Variants in MUC5B observed in about 807,000 individuals in gnomAD.
MUC5B encodes mucin-5B.
MUC5B carries 116 observed loss-of-function variants against 376.9 expected under a neutral mutation model. That is an observed-to-expected ratio of 0.31 (90% CI 0.26 to 0.36). The LOEUF (loss-of-function observed/expected upper bound fraction) is 0.36. MUC5B is among the 10% of genes least tolerant of loss of function. MUC5B has a pLI of 1.00. For synonymous variants in MUC5B, 3,517 were observed against 3,390.9 expected (o/e 1.04, Z -1.29); for missense variants, 7,165 against 7,769.9 (o/e 0.92, Z 2.93).
In MUC5B at chr11:1,256,756, T is replaced by C; in HGVS notation, c.16222T>C (p.Cys5408Arg). ...CCTCTTCAACGCACACATGGGCATC[T>C]GCGTGCAGGCCTGCCGTAAGCTCCG... ...QILFNAHMGI[C>R]VQACPCVGPD... The change falls in exon 39 of 49, where the codon TGC (cysteine) becomes CGC (arginine). Residue 5408 changes from cysteine to arginine, a missense_variant. Around this residue, in one of 31 missense-constraint regions of MUC5B, gnomAD observed 842 missense variants for 1,016.9 expected, o/e 0.83. Coordinates refer to ENST00000529681, the MANE Select transcript of MUC5B (RefSeq NM_002458.3). 6.5e-7 allele frequency: 1 copy of C among 1,539,838 alleles called. No homozygotes were observed. The highest frequency in any genetic ancestry group is 8.7e-7 in the Non-Finnish European group (1 of 1,144,644).
In MUC5B at chr11:1,241,025, C is replaced by T. The variant is rs1444875193; in HGVS notation, c.4145C>T (p.Ala1382Val). ...GTGCTGGCTGACATCGAGTGCCGGG[C>T]GGCGCAGCTTCCCGACATGCCGCTG... The part of the protein sequence containing the change: ...CPVLADIECR[A>V]AQLPDMPLEE... Residue 1382 changes from alanine to valine, a missense_variant, in exon 31 of 49, where the codon GCG (alanine) becomes GTG (valine). By Grantham distance (64) the Ala-to-Val change is moderately conservative (BLOSUM62 0). Around this residue, in one of 31 missense-constraint regions of MUC5B, gnomAD observed 517 missense variants for 545.3 expected, o/e 0.95. Transcript: ENST00000529681. The T allele has an allele frequency of 9.3e-6, 15 of 1,612,540 alleles. No individual in the cohort carries two copies. Among genetic ancestry groups the T allele is most frequent in the African/African-American group, 2.7e-5 (2 of 74,940 alleles).
At chr11:1,251,878 CG>C in intron 31 of MUC5B, 135 bp downstream of exon 31, 1 of 690,280 alleles carries the variant, frequency 1.4e-6, no homozygotes, top group Non-Finnish European at 2.4e-6. Context: ...TGGCCCCTCC[CG>C]GCCACACTGG....
chr11:1,241,823 C>T lies in MUC5B; in HGVS notation c.4943C>T (p.Thr1648Ile), dbSNP rs748305022. Residue 1648 changes from threonine to isoleucine, a missense_variant, in exon 31 of 49, where the codon ACA (threonine) becomes ATA (isoleucine). Physicochemically the swap from Thr to Ile is moderately conservative, Grantham distance 89 (BLOSUM62 -1). Around this residue, in one of 31 missense-constraint regions of MUC5B, gnomAD observed 897 missense variants for 779.6 expected, o/e 1.15. Coordinates refer to ENST00000529681, the MANE Select transcript of MUC5B (RefSeq NM_002458.3). Reference protein sequence around the residue: ...GLTRAPPASTTAVPTLSEGLT... With the variant: ...GLTRAPPASTIAVPTLSEGLT... ...ACCAGGGCTCCCCCGGCCAGCACCA[C>T]AGCAGTCCCCACCCTCTCAGAAGGA... 6.2e-7 allele frequency: 1 copy of T among 1,613,240 alleles called. No individual in the cohort carries two copies. Among genetic ancestry groups the T allele is most frequent in the Non-Finnish European group, 8.5e-7 (1 of 1,179,628 alleles).
rs748395343 is a variant in MUC5B at position 1,242,458 on chromosome 11, G to C, written c.5578G>C (p.Glu1860Gln). The C allele has an allele frequency of 3.7e-6, 6 of 1,613,680 alleles. No individual in the cohort carries two copies. In the African/African-American group the frequency reaches 5.3e-5, roughly 14 times the overall value. Residue 1860 changes from glutamate to glutamine, a missense_variant, in exon 31 of 49, where the codon GAA becomes CAA. Glu to Gln is a conservative substitution (Grantham distance 29). Transcript: ENST00000529681. ...SLETGLTCKN[E>Q]DQTGRFNMCF... ...GGAGACGGGGCTGACCTGCAAGAAC[G>C]AAGACCAGACAGGCAGGTTCAACAT...
Position 1,246,507 on chromosome 11 carries a change from A to G in MUC5B, c.9627A>G (p.Arg3209=), listed in dbSNP as rs755045374. 1 of 1,612,586 alleles carries G rather than the reference A, an allele frequency of 6.2e-7. No homozygotes were observed. Among genetic ancestry groups the G allele is most frequent in the African/African-American group, 1.3e-5 (1 of 74,520 alleles). Residue 3209 remains arginine, a synonymous_variant, in exon 31 of 49, where the codon AGA becomes AGG. Transcript: ENST00000529681. The part of the protein sequence containing the change: ...TATTPTVISS[R]ATPSSSPGTA... Reference sequence around the variant, plus strand: ...CCACACCCACAGTCATCAGCTCCAGAGCCACTCCCTCCTCCAGTCCAGGGA... The same window carrying G: ...CCACACCCACAGTCATCAGCTCCAGGGCCACTCCCTCCTCCAGTCCAGGGA...
Position 1,239,821 on chromosome 11 carries a change from C to T in MUC5B, c.3606C>T (p.Pro1202=), listed in dbSNP as rs1017974151. The T allele has an allele frequency of 6.2e-7, 1 of 1,611,926 alleles. No homozygotes were observed. Among genetic ancestry groups the T allele is most frequent in the South Asian group, 1.1e-5 (1 of 90,666 alleles). The change falls in exon 28 of 49, where the codon CCC becomes CCT. Residue 1202 remains proline, a synonymous_variant. Coordinates refer to ENST00000529681, the MANE Select transcript of MUC5B (RefSeq NM_002458.3). ...TAGGCTGCTACCCGAAGTGCCCACC[C>T]AGCCAGCCCTTCTTCAATGAGGACC... ...GLEGCYPKCP[P]SQPFFNEDQM...
rs371813527 is a variant in MUC5B at position 1,254,748 on chromosome 11, G to C, written c.15532G>C (p.Val5178Leu). The change falls in exon 35 of 49, where the codon GTG (valine) becomes CTG (leucine). Residue 5178 changes from valine (V) to leucine (L), a missense_variant. By Grantham distance (32) the Val-to-Leu change is conservative. Coordinates refer to ENST00000529681, the MANE Select transcript of MUC5B (RefSeq NM_002458.3). Reference sequence around the variant, plus strand: ...CGGTTTCAGCAAGAACGGCGTGCTTGTGTCTGTGCTGGGGACCACCACCAT... The same window carrying C: ...CGGTTTCAGCAAGAACGGCGTGCTTCTGTCTGTGCTGGGGACCACCACCAT... ...SSGFSKNGVL[V>L]SVLGTTTMRV... The C allele has an allele frequency of 3.5e-5, 56 of 1,612,942 alleles. No homozygotes were observed. The East Asian group carries it at 7.4e-4, about 21-fold the overall frequency.
At chr11:1,239,971 GGGGGAGCAGGGCT>G (rs1862241420) in intron 28 of MUC5B, 28 bp downstream of exon 28, 1 of 1,610,708 alleles carries the variant, frequency 6.2e-7, no homozygotes, top group Non-Finnish European at 8.5e-7. Flanking sequence ...GGGTGGCGCT[GGGGGAGCAGGGCT>G]GGGGAGCAGG....
In MUC5B at chr11:1,226,695, C is replaced by A. The variant is rs559689592; in HGVS notation, c.280C>A (p.Arg94Ser). Residue 94 changes from arginine (R) to serine (S), a missense_variant, in exon 4 of 49, where the codon CGC becomes AGC. Around this residue, in one of 31 missense-constraint regions of MUC5B, gnomAD observed 640 missense variants for 733.0 expected, o/e 0.87. Transcript: ENST00000529681. ...HYKTFDGDVF[R>S]FPGLCNYVFS... ...CAAGACCTTCGACGGCGACGTCTTC[C>A]GCTTCCCTGGCCTTTGCAACTACGT... 6.2e-7 allele frequency: 1 copy of A among 1,612,726 alleles called. No individual in the cohort carries two copies. Among genetic ancestry groups the A allele is most frequent in the South Asian group, 1.1e-5 (1 of 91,054 alleles).
chr11:1,260,578 C>CA (rs1243043631), intron 47 of MUC5B, 48 bp from the exon 48 acceptor site: 23 of 1,554,084 alleles, frequency 1.5e-5, no homozygotes. Flanking sequence ...TCCAGGCCCT[C>CA]AGAGTGAGGG....
At chr11:1,237,927 G>C (rs1862192561) in intron 25 of MUC5B, among the ~76,000 whole-genome samples, 1 of 152,232 alleles carries the variant, frequency 6.6e-6, no homozygotes, top group South Asian at 2.1e-4. Flanking sequence ...GAAGACTTGA[G>C]TGCCCACTTA....
rs200317067 is a variant in MUC5B, at chr11:1,249,092, C to G, written c.12212C>G (p.Pro4071Arg). 41,050 of 1,601,260 alleles carry G rather than the reference C, an allele frequency of 0.026. No homozygotes were observed. The highest frequency in any genetic ancestry group is 0.029 in the Non-Finnish European group (33,457 of 1,172,546). ...HSTPALSSPH[P>R]SSRTTESPPS... The stretch of plus-strand genomic sequence containing the variant: ...ACTCCAGCCCTGTCCAGCCCTCACC[C>G]TAGCAGCAGGACCACCGAGTCACCC... The change falls in exon 31 of 49, where the codon CCT (proline) becomes CGT (arginine). Residue 4071 changes from proline (P) to arginine (R), a missense_variant. Coordinates refer to ENST00000529681, the MANE Select transcript of MUC5B (RefSeq NM_002458.3).
intron 23 of MUC5B, among the ~76,000 whole-genome samples, chr11:1,235,802 C>A (rs190160172): frequency 3.3e-5 from 5 of 151,838 alleles, no homozygotes; most frequent in Admixed American, 1.3e-4. Context: ...AGGGCCCCCC[C>A]CCGCCCCCAC....
Position 1,257,594 on chromosome 11 carries a change from A to G in MUC5B, c.16334A>G (p.Gln5445Arg), listed in dbSNP as rs200420690. The change falls in exon 41 of 49, where the codon CAG becomes CGG. Residue 5445 changes from glutamine to arginine, a missense_variant. By Grantham distance (43) the Gln-to-Arg change is conservative. Around this residue, in one of 31 missense-constraint regions of MUC5B, gnomAD observed 842 missense variants for 1,016.9 expected, o/e 0.83. Transcript: ENST00000529681. The surrounding 1 kb of genome is among the most constrained non-coding windows in gnomAD (Gnocchi z 8.9). ...CVCDEGSVSV[Q>R]CKPLPCDAQG... Reference sequence around the variant, plus strand: ...TGTGACGAGGGTTCAGTGTCGGTGCAGTGCAAGCCCCTGCCCTGTGACGCC... The same window carrying G: ...TGTGACGAGGGTTCAGTGTCGGTGCGGTGCAAGCCCCTGCCCTGTGACGCC... 17 of 1,605,986 alleles carry G rather than the reference A, an allele frequency of 1.1e-5. No individual in the cohort carries two copies. The highest frequency in any genetic ancestry group is 1.4e-5 in the Non-Finnish European group (17 of 1,179,644).
In MUC5B at chr11:1,244,789, A is replaced by C. The variant is rs527359221; in HGVS notation, c.7909A>C (p.Thr2637Pro). 3 of 1,612,212 alleles carry C rather than the reference A, an allele frequency of 1.9e-6. No individual in the cohort carries two copies. The East Asian group carries it at 6.7e-5, about 36-fold the overall frequency. Reference sequence around the variant, plus strand: ...CACGCTTCCAGTGTGGATCAGCACAACCACCACACCCACAACCAGAGGTTC... The same window carrying C: ...CACGCTTCCAGTGTGGATCAGCACACCCACCACACCCACAACCAGAGGTTC... Reference protein sequence around the residue: ...ARTLPVWISTTTTPTTRGSTV... With the variant: ...ARTLPVWISTPTTPTTRGSTV... Residue 2637 changes from threonine (T) to proline (P), a missense_variant, in exon 31 of 49, where the codon ACC (threonine) becomes CCC (proline). Thr to Pro is a conservative substitution (Grantham distance 38). Transcript: ENST00000529681.
chr11:1,239,768 G>C (rs533374650), intron 27 of MUC5B, 31 bp from the exon 28 acceptor site: 10 of 1,593,964 alleles, frequency 6.3e-6, no homozygotes, highest in African/African-American at 1.3e-5. Flanking sequence ...AAGGGCCCTG[G>C]TGAGTCTTCT....
At position 1,245,294 on chromosome 11, in the gene MUC5B, C is replaced by T. The variant is rs368717082; in HGVS notation, c.8414C>T (p.Ser2805Leu). 617 of 1,595,370 alleles carry T rather than the reference C, an allele frequency of 3.9e-4. 5 individuals are homozygous for T. The highest frequency in any genetic ancestry group is 1.3e-3 in the Admixed American group (73 of 57,876). ...PAATTGTTQH[S>L]TPALSSPHPS... ...GCAACCACCGGTACCACCCAGCACT[C>T]GACTCCAGCCCTGTCCAGCCCTCAC... Residue 2805 changes from serine to leucine, a missense_variant, in exon 31 of 49, where the codon TCG (serine) becomes TTG (leucine). Physicochemically the swap from Ser to Leu is moderately radical, Grantham distance 145 (BLOSUM62 -2). Transcript: ENST00000529681.
At chr11:1,235,932 G>C (rs539929228) in intron 23 of MUC5B, among the ~76,000 whole-genome samples, 10 of 152,160 alleles carry the variant, frequency 6.6e-5, no homozygotes, top group Non-Finnish European at 1.3e-4. Context: ...GCATTTTCAG[G>C]AGCCACGATT....
Position 1,235,081 on chromosome 11 carries a change from G to A in MUC5B, c.2631-4G>A, listed in dbSNP as rs1398076668. The A allele has an allele frequency of 1.2e-6, 2 of 1,608,430 alleles. No homozygotes were observed. The highest frequency in any genetic ancestry group is 1.7e-6 in the Non-Finnish European group (2 of 1,177,514). ...TGAGCAGGCACCATTGTGGCCCCTTGCAGCACCTGCAGGAACCGGAGGTGG... is the reference window on the plus strand; with the variant it reads ...TGAGCAGGCACCATTGTGGCCCCTTACAGCACCTGCAGGAACCGGAGGTGG... On this transcript the variant is annotated splice_region_variant and splice_polypyrimidine_tract_variant and intron_variant, in intron 21 of 48. Transcript: ENST00000529681.
Sources: allele counts gnomAD v4.1 joint callset (sites outside exome capture counted in the v4.1 genomes callset), GRCh38; gene constraint gnomAD v4.1.1; regional missense constraint gnomAD v4.1.1; non-coding constraint Gnocchi (gnomAD v3.1); transcripts MANE v1.5; gene names NCBI Gene and HGNC (gene_info 2026-07-23, HGNC 2026-07-21).